The following CPEB2 variants were observed in gnomAD, a reference collection of about 807,000 sequenced individuals.
CPEB2 encodes the protein cytoplasmic polyadenylation element binding protein 2, also known as cytoplasmic polyadenylation element-binding protein 2.
A neutral mutation model predicts 93.6 loss-of-function variants in CPEB2; 56 were observed. The observed-to-expected ratio is 0.60, with a 90% CI of 0.48 to 0.75. The LOEUF (loss-of-function observed/expected upper bound fraction) is 0.75, where lower values mean the gene tolerates loss of function less well. CPEB2 is among the 30% of genes least tolerant of loss of function. The pLI is 0.00. For missense variants in CPEB2, 1,579 were observed against 1,395.1 expected (o/e 1.13, Z -2.10); for synonymous variants, 764 against 586.3 (o/e 1.30, Z -4.38).
At chr4:15,060,406 T>TG (rs1234269854) in intron 10 of CPEB2, among the ~76,000 whole-genome samples, 1 of 152,148 alleles carries the variant, frequency 6.6e-6, no homozygotes, top group Admixed American at 6.6e-5. Flanking sequence ...TGAGAGTAAA[T>TG]GCGGGCAGAC....
At position 15,017,292 on chromosome 4, in the gene CPEB2, T is replaced by TA. The variant is rs755975476; in HGVS notation, c.2125+21dup. On this transcript the variant is annotated intron_variant, in intron 4 of 11. Transcript: ENST00000538197. ...ATCCTCTTAAGGGTAGGTGACTTTT[T>TA]AAAAAAATATATGTTTATATTATAC... 1.4e-4 allele frequency: 196 copies of TA among 1,376,614 alleles called. No homozygotes were observed. Among genetic ancestry groups the TA allele is most frequent in the Non-Finnish European group, 1.9e-4 (184 of 984,780 alleles). The allele number at this position is 1,376,614 out of a possible 1,614,324, so 85.3% of individuals were successfully genotyped here.
intron 3 of CPEB2, among the ~76,000 whole-genome samples, chr4:15,010,063 G>GT (rs1207818854): frequency 6.6e-6 from 1 of 152,198 alleles, no homozygotes; most frequent in Non-Finnish European, 1.5e-5. Context: ...GAGGTGTGAT[G>GT]TGATGAAGTA....
At chr4:15,018,914 C>T (rs1724475966) in intron 4 of CPEB2, among the ~76,000 whole-genome samples, 1 of 140,316 alleles carries the variant, frequency 7.1e-6, no homozygotes, top group Non-Finnish European at 1.5e-5. Context: ...GAAATGGAAG[C>T]ATTATAAGGC....
At chr4:15,028,548 T>G (rs573735222) in intron 4 of CPEB2, among the ~76,000 whole-genome samples, 44 of 152,218 alleles carry the variant, frequency 2.9e-4, no homozygotes, top group African/African-American at 1.1e-3. Flanking sequence ...ATGGATCTTC[T>G]GTTTTAAAGA....
rs373547833 is a variant in CPEB2 at position 15,066,359 on chromosome 4, G to C, written c.3084G>C (p.Gln1028His). 38 of 1,608,470 alleles carry C rather than the reference G, an allele frequency of 2.4e-5. No homozygotes were observed. Among genetic ancestry groups the C allele is most frequent in the Non-Finnish European group, 3.1e-5 (36 of 1,176,898 alleles). Residue 1028 changes from glutamine (Q) to histidine (H), a missense_variant, in exon 12 of 12, where the codon CAG (glutamine) becomes CAC (histidine). Gln to His is a conservative substitution (Grantham distance 24, BLOSUM62 0). Transcript: ENST00000538197. The part of the protein sequence containing the change: ...LVKEGADRPR[Q>H]IHFRWN ...AGGAAGGTGCTGATCGCCCACGTCA[G>C]ATCCACTTCCGCTGGAACTAAGAAT...
chr4:15,037,615 A>G (rs113650065), intron 5 of CPEB2, among the ~76,000 whole-genome samples: 4,152 of 152,248 alleles, frequency 0.027, 89 homozygotes, highest in South Asian at 0.14. Context: ...AACCAGAACC[A>G]AAATTGTAAA....
chr4:15,011,867 C>G (rs943777746), intron 3 of CPEB2, among the ~76,000 whole-genome samples: 1 of 152,126 alleles, frequency 6.6e-6, no homozygotes, highest in African/African-American at 2.4e-5. Flanking sequence ...AATATATCAA[C>G]TCTCAATTTT....
chr4:15,009,253 A>G (rs1723183236), intron 3 of CPEB2, among the ~76,000 whole-genome samples: 1 of 152,230 alleles, frequency 6.6e-6, no homozygotes, highest in Non-Finnish European at 1.5e-5. Context: ...TGGTTAATTT[A>G]TCAACATGAG....
chr4:15,062,288 T>A, intron 11 of CPEB2, 28 bp downstream of exon 11: 3 of 1,568,592 alleles, frequency 1.9e-6, no homozygotes, highest in Admixed American at 1.7e-5. Flanking sequence ...AAATCACTTA[T>A]GTCCTATAAT....
At chr4:15,057,840 A>T (rs1322125436) in intron 8 of CPEB2, among the ~76,000 whole-genome samples, 1 of 152,136 alleles carries the variant, frequency 6.6e-6, no homozygotes, top group Non-Finnish European at 1.5e-5. Flanking sequence ...TCTTAGTATC[A>T]TTGGGAAGTT....
At chr4:15,044,309 TG>T (rs1727458375) in intron 6 of CPEB2, among the ~76,000 whole-genome samples, 1 of 152,212 alleles carries the variant, frequency 6.6e-6, no homozygotes, top group Non-Finnish European at 1.5e-5. Context: ...AGAAAATGTC[TG>T]GTCTTCAAAA....
At chr4:15,024,387 A>G (rs1003915067) in intron 4 of CPEB2, among the ~76,000 whole-genome samples, 1 of 152,160 alleles carries the variant, frequency 6.6e-6, no homozygotes, top group Non-Finnish European at 1.5e-5. Flanking sequence ...ATAATATGAT[A>G]AGTCACTATG....
At chr4:15,050,838 T>C (rs1289104377) in intron 6 of CPEB2, among the ~76,000 whole-genome samples, 1 of 152,216 alleles carries the variant, frequency 6.6e-6, no homozygotes, top group Non-Finnish European at 1.5e-5. Context: ...TGTTTATCAT[T>C]GATGTTATAA....
intron 6 of CPEB2, among the ~76,000 whole-genome samples, chr4:15,052,093 T>C (rs756284370): frequency 3.3e-5 from 5 of 152,170 alleles, no homozygotes; most frequent in South Asian, 4.1e-4. Context: ...TCTCCTGTTA[T>C]ATATCCATTC....
intron 5 of CPEB2, among the ~76,000 whole-genome samples, chr4:15,038,585 C>CTTTTTTT (rs369548599): frequency 6.6e-5 from 9 of 137,232 alleles, no homozygotes; most frequent in African/African-American, 1.1e-4. Context: ...GTAGTCTATT[C>CTTTTTTT]TTTTTTTTTT....
In CPEB2 at chr4:15,002,483, G is replaced by T. The variant is rs1436336982; in HGVS notation, c.-191G>T. ...CGGCCAGGGCGGCTACGGCGACTGC[G>T]ACGGCGGCGGCGGCGGCGATCGCCG... On this transcript the variant is annotated 5_prime_UTR_variant, in exon 1 of 12. Transcript: ENST00000538197. 6.1e-6 allele frequency: 3 copies of T among 488,892 alleles called. No homozygotes were observed. In the East Asian group the frequency reaches 1.1e-4, roughly 17 times the overall value. 30.3% of individuals were successfully genotyped at this position (488,892 alleles called of 1,614,324 possible).
chr4:15,060,695 C>A (rs1170052340), intron 10 of CPEB2, among the ~76,000 whole-genome samples: 3 of 152,068 alleles, frequency 2.0e-5, no homozygotes, highest in African/African-American at 7.2e-5. Context: ...ATAGAAATTT[C>A]AATTAAACCA....
chr4:15,003,706 C>G lies in CPEB2; in HGVS notation c.1033C>G (p.Pro345Ala). The G allele has an allele frequency of 7.2e-7, 1 of 1,393,590 alleles. No homozygotes were observed. Among genetic ancestry groups the G allele is most frequent in the Non-Finnish European group, 9.3e-7 (1 of 1,075,798 alleles). 86.3% of individuals were successfully genotyped at this position (1,393,590 alleles called of 1,614,324 possible). Residue 345 changes from proline (P) to alanine (A), a missense_variant, in exon 1 of 12, where the codon CCG (proline) becomes GCG (alanine). Physicochemically the swap from Pro to Ala is conservative, Grantham distance 27 (BLOSUM62 -1). Coordinates refer to ENST00000538197, the MANE Select transcript of CPEB2 (RefSeq NM_001177382.2). ...GAGAFSSLQSPDLPHPGGGGG... is the reference protein window; with the variant it reads ...GAGAFSSLQSADLPHPGGGGG... ...GGGCGCCTTCAGCAGCCTGCAGAGC[C>G]CGGACCTTCCACACCCGGGCGGCGG...
At chr4:15,044,972 A>G (rs775532794) in intron 6 of CPEB2, among the ~76,000 whole-genome samples, 2 of 152,154 alleles carry the variant, frequency 1.3e-5, no homozygotes, top group Non-Finnish European at 2.9e-5. Flanking sequence ...TTAGGTAGCA[A>G]ACTTAATGTA....
Sources: gnomAD v4.1 joint callset for allele counts (sites outside exome capture counted in the v4.1 genomes callset) on GRCh38, gnomAD v4.1.1 for gene constraint, MANE v1.5 for transcripts, NCBI Gene and HGNC (gene_info 2026-07-23, HGNC 2026-07-21) for gene names.